CLASP2: variants seen among roughly 807,000 people sequenced by gnomAD.
The protein encoded by CLASP2 is cytoplasmic linker associated protein 2.
CLASP2 carries 47 observed loss-of-function variants against 194.4 expected under a neutral mutation model. That is an observed-to-expected ratio of 0.24 (90% CI 0.19 to 0.31). The LOEUF (loss-of-function observed/expected upper bound fraction) is 0.31. Among genes scored for constraint, CLASP2 ranks in the 10% least tolerant of loss-of-function variants. The pLI is 1.00. For missense variants in CLASP2, 1,445 were observed against 1,823.6 expected (o/e 0.79, Z 3.78); for synonymous variants, 619 against 633.5 (o/e 0.98, Z 0.34).
chr3:33,571,593 C>T (rs2063785242), intron 25 of CLASP2, among the ~76,000 whole-genome samples: 1 of 151,556 alleles, frequency 6.6e-6, no homozygotes, highest in African/African-American at 2.4e-5. Flanking sequence ...TGAGATTGTG[C>T]CACTGTATGC....
rs1226098175 is a variant in CLASP2 at position 33,603,144 on chromosome 3, AG to A, written c.1751-20del. On this transcript the variant is annotated intron_variant, in intron 17 of 38. Coordinates refer to ENST00000682230, the MANE Select transcript of CLASP2 (RefSeq NM_001365631.1). The stretch of plus-strand genomic sequence containing the variant: ...GCTGATACTACGAAATACAAAGCAA[AG>A]ATAACTTATATCATTTAAATCACTG... The A allele has an allele frequency of 6.5e-7, 1 of 1,536,128 alleles. No individual in the cohort carries two copies. The highest frequency in any genetic ancestry group is 8.8e-7 in the Non-Finnish European group (1 of 1,138,400).
chr3:33,635,645 A>T (rs2080001664), intron 8 of CLASP2, among the ~76,000 whole-genome samples: 1 of 152,262 alleles, frequency 6.6e-6, no homozygotes, highest in Non-Finnish European at 1.5e-5. Context: ...GATTCAGATC[A>T]AAGGGGAAGG....
chr3:33,553,456 A>AT (rs2060382585), intron 29 of CLASP2, among the ~76,000 whole-genome samples: 1 of 152,248 alleles, frequency 6.6e-6, no homozygotes, highest in African/African-American at 2.4e-5. Context: ...CATACATCTG[A>AT]TAAGTGGTTA....
rs185888284 is a variant in CLASP2, at chr3:33,564,076, T to C, written c.2766+2656A>G. ...CAGAGGGGCAAACTATTTATGGTGC[T>C]ATTTAGCTTTTTCTGTATTTATGTT... On this transcript the variant is annotated intron_variant, in intron 27 of 38. Coordinates refer to ENST00000682230, the MANE Select transcript of CLASP2 (RefSeq NM_001365631.1). The C allele has an allele frequency of 3.0e-5, 11 of 368,308 alleles. No homozygotes were observed. The East Asian group carries it at 6.9e-4, about 23-fold the overall frequency. 22.8% of individuals were successfully genotyped at this position (368,308 alleles called of 1,614,324 possible). A position where few individuals can be genotyped will look rare whatever the true frequency, so the allele number is the denominator to read the frequency against.
At chr3:33,696,695 AC>A (rs1004117954) in intron 2 of CLASP2, among the ~76,000 whole-genome samples, 159 bp downstream of exon 2, 2 of 151,964 alleles carry the variant, frequency 1.3e-5, no homozygotes, top group African/African-American at 4.8e-5. Flanking sequence ...CAAACTTCTG[AC>A]CTTTGGTGAT....
At chr3:33,536,086 G>A (rs1174307362) in intron 33 of CLASP2, among the ~76,000 whole-genome samples, 1 of 151,984 alleles carries the variant, frequency 6.6e-6, no homozygotes, top group Admixed American at 6.6e-5. Flanking sequence ...CATCCACTGG[G>A]CAACTATGTG....
chr3:33,605,483 G>A (rs114684590), intron 16 of CLASP2, among the ~76,000 whole-genome samples: 532 of 152,292 alleles, frequency 3.5e-3, no homozygotes, highest in Middle Eastern at 0.014. Context: ...TACAGTATTT[G>A]AATGACCCAG....
intron 3 of CLASP2, 176 bp downstream of exon 3, chr3:33,689,653 G>C (rs2091118670): frequency 4.5e-6 from 2 of 447,432 alleles, no homozygotes; most frequent in Non-Finnish European, 7.8e-6. Context: ...TACAAAATAA[G>C]AATCAGAAGC....
chr3:33,627,647 T>C (rs1363201586), intron 9 of CLASP2, among the ~76,000 whole-genome samples: 2 of 152,094 alleles, frequency 1.3e-5, no homozygotes, highest in Non-Finnish European at 2.9e-5. Context: ...TTAGCCAAAA[T>C]AGATAGACGT....
intron 8 of CLASP2, among the ~76,000 whole-genome samples, chr3:33,643,226 T>G (rs576995845): frequency 6.6e-6 from 1 of 151,948 alleles, no homozygotes; most frequent in African/African-American, 2.4e-5. Context: ...GTTCAATTCA[T>G]AAAATGTTAT....
intron 11 of CLASP2, 105 bp downstream of exon 11, chr3:33,622,030 T>TG (rs2077199138): frequency 1.2e-6 from 1 of 844,836 alleles, no homozygotes; most frequent in Non-Finnish European, 1.7e-6. Context: ...TTTTGGATCA[T>TG]ATACTTTTTT....
At chr3:33,655,719 A>T (rs1021807599) in intron 7 of CLASP2, among the ~76,000 whole-genome samples, 4 of 152,164 alleles carry the variant, frequency 2.6e-5, no homozygotes, top group African/African-American at 9.6e-5. Context: ...CTATTGTTCT[A>T]TAAACAATTG....
chr3:33,560,952 T>C lies in CLASP2; in HGVS notation c.2786A>G (p.Glu929Gly). ...HGKRVFSMFL[E>G]TLVDFIQVHK... The stretch of plus-strand genomic sequence containing the variant: ...GACTTGTATGAAATCCACTAGAGTC[T>C]CCAAAAACATGCTGAATACCTACAG... The change falls in exon 28 of 39, where the codon GAG (glutamate) becomes GGG (glycine). Residue 929 changes from glutamate (E) to glycine (G), a missense_variant. Glu to Gly is a moderately conservative substitution (Grantham distance 98). Transcript: ENST00000682230. 1 of 1,613,636 alleles carries C rather than the reference T, an allele frequency of 6.2e-7. No homozygotes were observed. The highest frequency in any genetic ancestry group is 8.5e-7 in the Non-Finnish European group (1 of 1,179,758).
chr3:33,595,569 A>G (rs765876463), intron 19 of CLASP2, among the ~76,000 whole-genome samples: 18 of 152,106 alleles, frequency 1.2e-4, no homozygotes, highest in Admixed American at 3.3e-4. Flanking sequence ...TACAAACATC[A>G]TAACTCACTA....
chr3:33,662,747 G>A (rs757194362), intron 7 of CLASP2, among the ~76,000 whole-genome samples: 1 of 152,068 alleles, frequency 6.6e-6, no homozygotes, highest in East Asian at 1.9e-4. Flanking sequence ...AGGTGGAAAA[G>A]CAACCTATAT....
chr3:33,588,517 TA>T (rs912441623), intron 21 of CLASP2, among the ~76,000 whole-genome samples: 4 of 152,048 alleles, frequency 2.6e-5, no homozygotes, highest in East Asian at 1.9e-4. Flanking sequence ...TTGTGTCATT[TA>T]AAAAAAATCA....
chr3:33,545,023 C>CA, intron 30 of CLASP2, 182 bp from the exon 31 acceptor site: 3 of 351,752 alleles, frequency 8.5e-6, no homozygotes, highest in Non-Finnish European at 1.5e-5. Flanking sequence ...ATTGACCTAC[C>CA]TTTTTTTTTT....
chr3:33,684,472 G>C lies in CLASP2; in HGVS notation c.547-16C>G, dbSNP rs778964385. The stretch of plus-strand genomic sequence containing the variant: ...CATCTCTCACCTGTCAAAGAATTCA[G>C]AACTTTTTAATAAACTTATATATGA... On this transcript the variant is annotated splice_polypyrimidine_tract_variant and intron_variant, in intron 5 of 38. Transcript: ENST00000682230. 2.0e-6 allele frequency: 3 copies of C among 1,525,230 alleles called. No individual in the cohort carries two copies. The Admixed American group carries it at 5.6e-5, about 28-fold the overall frequency. 94.5% of individuals were successfully genotyped at this position (1,525,230 alleles called of 1,614,324 possible).
chr3:33,498,385 T>C lies in CLASP2; in HGVS notation c.*246A>G, dbSNP rs1250564973. The C allele has an allele frequency of 3.2e-5, 11 of 347,498 alleles. No individual in the cohort carries two copies. Among genetic ancestry groups the C allele is most frequent in the Non-Finnish European group, 5.7e-5 (11 of 193,918 alleles). 21.5% of individuals were successfully genotyped at this position (347,498 alleles called of 1,614,324 possible). ...TGAAATGATGAATTAAATTAAAAAT[T>C]ACTTTGTGTCGATCAATTGATGTTA... On this transcript the variant is annotated 3_prime_UTR_variant, in exon 39 of 39. Transcript: ENST00000682230.
Sources: allele counts gnomAD v4.1 joint callset (sites outside exome capture counted in the v4.1 genomes callset), GRCh38; gene constraint gnomAD v4.1.1; transcripts MANE v1.5; gene names NCBI Gene and HGNC (gene_info 2026-07-23, HGNC 2026-07-21).